Variants in CFAP47 observed in about 807,000 individuals in gnomAD.
CFAP47 encodes the protein cilia and flagella associated protein 47.
Under a neutral mutation model 148.1 loss-of-function variants are expected in CFAP47, and 29 were observed. The observed-to-expected ratio is 0.20, with a 90% CI of 0.15 to 0.27. The LOEUF (loss-of-function observed/expected upper bound fraction) is 0.27, where lower values mean the gene tolerates loss of function less well. CFAP47 is among the 10% of genes least tolerant of loss of function. CFAP47 has a pLI of 1.00. For synonymous variants in CFAP47, 664 were observed against 577.3 expected, an observed-to-expected ratio of 1.15 and a Z score of -2.15; for missense variants, 1,872 against 1,697.5, an observed-to-expected ratio of 1.10 and a Z score of -1.81.
chrX:36,062,480 C>T (rs1209949961), intron 26 of CFAP47, among the ~76,000 whole-genome samples: 1 of 111,603 alleles, frequency 9.0e-6, no homozygotes, highest in African/African-American at 3.3e-5. Context: ...TAATTATTCA[C>T]TAGCTAATGA....
rs781833107 is a variant in CFAP47 at position 36,196,303 on chromosome X, C to T, written c.6322-4076C>T. On this transcript the variant is annotated intron_variant, in intron 42 of 63. Transcript: ENST00000378653. Reference sequence around the variant, plus strand: ...CTTTAGCATATGGAATTTAACATTTCGAATTTTAGCTTAACTTCCATGTGC... The same window carrying T: ...CTTTAGCATATGGAATTTAACATTTTGAATTTTAGCTTAACTTCCATGTGC... 3.6e-5 allele frequency among the ~76,000 whole-genome samples: 4 copies of T among 111,542 alleles called. No individual in the cohort carries two copies. The South Asian group carries it at 1.5e-3, about 41-fold the overall frequency.
chrX:36,090,749 T>C (rs1194119932), intron 30 of CFAP47, among the ~76,000 whole-genome samples: 2 of 111,541 alleles, frequency 1.8e-5, no homozygotes, highest in Non-Finnish European at 1.9e-5. Flanking sequence ...TAATCATAAA[T>C]GTTATCAGCT....
intron 7 of CFAP47, among the ~76,000 whole-genome samples, chrX:35,955,544 C>T (rs1255595106): frequency 5.4e-5 from 6 of 111,410 alleles, no homozygotes; most frequent in Non-Finnish European, 1.1e-4. Flanking sequence ...CATTTTTTTC[C>T]AGACTCCCTT....
chrX:36,315,874 T>C (rs1211384960), intron 56 of CFAP47, among the ~76,000 whole-genome samples: 2 of 111,547 alleles, frequency 1.8e-5, no homozygotes, highest in East Asian at 5.6e-4. Context: ...GTCTCACTTT[T>C]GCTCTTCCCT....
intron 57 of CFAP47, among the ~76,000 whole-genome samples, chrX:36,331,847 G>A (rs1227610139): frequency 2.7e-5 from 3 of 111,435 alleles, no homozygotes; most frequent in Non-Finnish European, 3.8e-5. Context: ...AACAGAACCC[G>A]GAGTAATATT....
At chrX:36,088,232 G>A (rs999698293) in intron 30 of CFAP47, among the ~76,000 whole-genome samples, 7 of 111,507 alleles carry the variant, frequency 6.3e-5, no homozygotes, top group African/African-American at 2.3e-4. Flanking sequence ...AATACCATAT[G>A]TGTTATATTA....
intron 30 of CFAP47, among the ~76,000 whole-genome samples, chrX:36,089,537 T>C (rs773644295): frequency 9.0e-6 from 1 of 111,488 alleles, no homozygotes; most frequent in Admixed American, 9.5e-5. Context: ...CTGAACTGGG[T>C]TGAAGGAACA....
chrX:36,078,300 G>A (rs1937905142), intron 29 of CFAP47, among the ~76,000 whole-genome samples: 1 of 110,699 alleles, frequency 9.0e-6, no homozygotes, highest in South Asian at 3.9e-4. Flanking sequence ...ATTGACAGTG[G>A]GGTGTTAAAG....
In CFAP47 at chrX:36,330,788, T is replaced by C. The variant is rs782372206; in HGVS notation, c.8443+11481T>C. The stretch of plus-strand genomic sequence containing the variant: ...CTGACTTTACTTCCGTTACTAAGAC[T>C]AAATTGTCTGTGCCACCATCTAAAG... On this transcript the variant is annotated intron_variant, in intron 57 of 63. Coordinates refer to ENST00000378653, the MANE Select transcript of CFAP47 (RefSeq NM_001304548.2). Among the ~76,000 whole-genome samples, 168 of 111,770 alleles carry C rather than the reference T, an allele frequency of 1.5e-3. 1 individual carries two copies. The highest frequency in any genetic ancestry group is 5.0e-3 in the African/African-American group (155 of 30,812).
rs1941595678 is a variant in CFAP47, at chrX:36,335,250, C to T, written c.8444-12879C>T. 2.7e-5 allele frequency among the ~76,000 whole-genome samples: 3 copies of T among 111,063 alleles called. No individual in the cohort carries two copies. The South Asian group carries it at 1.1e-3, about 42-fold the overall frequency. On this transcript the variant is annotated intron_variant, in intron 57 of 63. Transcript: ENST00000378653. ...GACGAGATATGGTGTCATCCTTGCT[C>T]TCACCTTTCTCTCACATCCCCCAAT...
intron 40 of CFAP47, among the ~76,000 whole-genome samples, chrX:36,184,505 T>C (rs1939784599): frequency 8.9e-6 from 1 of 112,307 alleles, no homozygotes; most frequent in Admixed American, 9.4e-5. Flanking sequence ...GTAGACTGTA[T>C]GCTCCATGAG....
chrX:36,259,245 C>A (rs1326328474), intron 49 of CFAP47, among the ~76,000 whole-genome samples: 1 of 111,126 alleles, frequency 9.0e-6, no homozygotes, highest in Admixed American at 9.6e-5. Flanking sequence ...TAAAATTTAT[C>A]TTTTATTCTT....
chrX:36,379,674 C>T (rs3813157), intron 63 of CFAP47, 156 bp downstream of exon 63: 98,864 of 457,731 alleles, frequency 0.22, 13,699 homozygotes, highest in African/African-American at 0.82. Flanking sequence ...CTTGGTTTAC[C>T]TTTCTTTTGT....
At chrX:36,226,070 T>G (rs1940266513) in intron 45 of CFAP47, among the ~76,000 whole-genome samples, 1 of 111,684 alleles carries the variant, frequency 9.0e-6, no homozygotes, top group South Asian at 3.7e-4. Context: ...GAAAACAGAT[T>G]TTTTTGTTCG....
chrX:36,166,651 G>T (rs1211208426), intron 39 of CFAP47, among the ~76,000 whole-genome samples: 1 of 110,779 alleles, frequency 9.0e-6, no homozygotes, highest in African/African-American at 3.3e-5. Context: ...TCTTCTTTTT[G>T]TGTGTGTGTG....
rs771791519 is a variant in CFAP47, at chrX:36,075,416, C to T, written c.4691+2052C>T. Among the ~76,000 whole-genome samples the T allele has an allele frequency of 3.9e-3, 431 of 110,550 alleles. 5 individuals carry two copies. The highest frequency in any genetic ancestry group is 0.013 in the African/African-American group (411 of 30,451). On this transcript the variant is annotated intron_variant, in intron 29 of 63. Coordinates refer to ENST00000378653, the MANE Select transcript of CFAP47 (RefSeq NM_001304548.2). ...CTAATTTTTGTATTTTTCATAGAGA[C>T]AGGGTTTCACTATGTTGGCCAGGCT...
intron 1 of CFAP47, among the ~76,000 whole-genome samples, chrX:35,921,413 A>G (rs1935575701): frequency 8.9e-6 from 1 of 112,423 alleles, no homozygotes; most frequent in Admixed American, 9.5e-5. Context: ...GTGTTATTTC[A>G]CTACCTTAGC....
At chrX:36,079,529 G>A (rs1290004002) in intron 29 of CFAP47, among the ~76,000 whole-genome samples, 1 of 111,297 alleles carries the variant, frequency 9.0e-6, no homozygotes, top group Middle Eastern at 4.3e-3. Context: ...AGCTCCGTCT[G>A]GTTATTTAAG....
At chrX:36,365,737 G>T (rs1941869791) in intron 61 of CFAP47, 1 of 110,678 alleles carries the variant, frequency 9.0e-6, no homozygotes, top group Admixed American at 9.7e-5. Context: ...TGTGGTATTT[G>T]GTTTTCTGGT....
Sources: allele counts gnomAD v4.1 joint callset (sites outside exome capture counted in the v4.1 genomes callset), GRCh38; gene constraint gnomAD v4.1.1; transcripts MANE v1.5; gene names NCBI Gene and HGNC (gene_info 2026-07-23, HGNC 2026-07-21).